The following ENOX1 variants were observed in gnomAD, a reference collection of about 807,000 sequenced individuals.
ENOX1 encodes the protein ecto-NOX disulfide-thiol exchanger 1, also known as candidate growth-related and time keeping constitutive hydroquinone (NADH) oxidase.
A neutral mutation model predicts 82.5 loss-of-function variants in ENOX1; 42 were observed. That is an observed-to-expected ratio of 0.51 (90% CI 0.40 to 0.66). The LOEUF is 0.66. Among genes scored for constraint, ENOX1 ranks in the 30% least tolerant of loss-of-function variants. The pLI is 0.00. For missense variants in ENOX1, 608 were observed against 811.6 expected, an observed-to-expected ratio of 0.75 and a Z score of 3.05; for synonymous variants, 271 against 282.2, an observed-to-expected ratio of 0.96 and a Z score of 0.40.
At chr13:43,718,874 T>C (rs565876958) in intron 1 of ENOX1, among the ~76,000 whole-genome samples, 13 of 152,156 alleles carry the variant, frequency 8.5e-5, no homozygotes, top group Non-Finnish European at 1.5e-4. Flanking sequence ...TACACATTTA[T>C]AGTTTTAAAA....
At chr13:43,524,582 T>TC (rs895727646) in intron 2 of ENOX1, among the ~76,000 whole-genome samples, 3 of 152,074 alleles carry the variant, frequency 2.0e-5, no homozygotes, top group African/African-American at 7.2e-5. Context: ...CTCACTCTGC[T>TC]CCAGCTCCCT....
chr13:43,216,169 T>C (rs1356705146), intron 16 of ENOX1, among the ~76,000 whole-genome samples: 2 of 151,928 alleles, frequency 1.3e-5, no homozygotes, highest in African/African-American at 2.4e-5. Flanking sequence ...CCGCACTCCA[T>C]CCTGGGGGAC....
At chr13:43,697,471 T>G (rs2086698144) in intron 1 of ENOX1, among the ~76,000 whole-genome samples, 1 of 152,180 alleles carries the variant, frequency 6.6e-6, no homozygotes, top group South Asian at 2.1e-4. Flanking sequence ...AACTACAATG[T>G]TCTGAAGGAC....
intron 2 of ENOX1, among the ~76,000 whole-genome samples, chr13:43,576,006 T>C (rs2080405547): frequency 6.6e-6 from 1 of 152,248 alleles, no homozygotes; most frequent in Non-Finnish European, 1.5e-5. Context: ...CTGGCCCTTG[T>C]AGTCTAATGA....
chr13:43,501,536 A>T (rs567272009), intron 2 of ENOX1, among the ~76,000 whole-genome samples: 129 of 151,918 alleles, frequency 8.5e-4, no homozygotes, highest in Non-Finnish European at 1.6e-3. Flanking sequence ...TATTTTAAAA[A>T]GATTAAAATC....
chr13:43,610,214 T>A (rs1257028225), intron 2 of ENOX1, among the ~76,000 whole-genome samples: 1 of 152,216 alleles, frequency 6.6e-6, no homozygotes, highest in Admixed American at 6.5e-5. Context: ...TCTTGGCATT[T>A]ATGTAATATT....
At chr13:43,310,253 A>G (rs1057372565) in intron 11 of ENOX1, among the ~76,000 whole-genome samples, 2 of 150,410 alleles carry the variant, frequency 1.3e-5, no homozygotes, top group Admixed American at 1.3e-4. Flanking sequence ...GTGCCAGTTA[A>G]GCACTATTAA....
chr13:43,295,613 T>C (rs1183355426), intron 12 of ENOX1, among the ~76,000 whole-genome samples: 2 of 152,152 alleles, frequency 1.3e-5, no homozygotes, highest in Non-Finnish European at 1.5e-5. Context: ...ACAGAAATAA[T>C]TTCCCAAACA....
chr13:43,442,116 G>A (rs1377891197), intron 3 of ENOX1, among the ~76,000 whole-genome samples: 1 of 152,094 alleles, frequency 6.6e-6, no homozygotes. Flanking sequence ...GCATAGAGGA[G>A]CCGAGTCGGA....
intron 2 of ENOX1, among the ~76,000 whole-genome samples, chr13:43,647,960 G>A (rs921085048): frequency 2.6e-5 from 4 of 152,164 alleles, no homozygotes; most frequent in African/African-American, 9.7e-5. Context: ...TCACAACCAA[G>A]GAATGTGTGT....
intron 1 of ENOX1, among the ~76,000 whole-genome samples, chr13:43,771,955 T>TTTG (rs1951647154): frequency 6.9e-6 from 1 of 144,834 alleles, no homozygotes; most frequent in Non-Finnish European, 1.5e-5. Flanking sequence ...TTTTTTTTTT[T>TTTG]TTGTATTTTT....
intron 2 of ENOX1, among the ~76,000 whole-genome samples, chr13:43,664,163 T>G (rs945004037): frequency 2.0e-5 from 3 of 151,274 alleles, no homozygotes; most frequent in African/African-American, 7.3e-5. Context: ...TGTTAATTAT[T>G]AACTAAAAAG....
chr13:43,442,731 C>T (rs79858172), intron 3 of ENOX1, among the ~76,000 whole-genome samples: 5,537 of 152,290 alleles, frequency 0.036, 139 homozygotes, highest in South Asian at 0.09. Flanking sequence ...TCAGCGTTCA[C>T]ATCAGCCCTC....
chr13:43,261,885 G>T (rs9533438), intron 14 of ENOX1, among the ~76,000 whole-genome samples: 44,724 of 145,138 alleles, frequency 0.31, 7,214 homozygotes, highest in Middle Eastern at 0.35. Flanking sequence ...ATATACCTAA[G>T]GCTAGATGAC....
intron 1 of ENOX1, among the ~76,000 whole-genome samples, chr13:43,736,243 A>G (rs1332121850): frequency 3.9e-5 from 6 of 152,234 alleles, no homozygotes; most frequent in African/African-American, 1.4e-4. Flanking sequence ...TCAAATTATG[A>G]CAAGAAAATT....
At chr13:43,590,792 A>G (rs2081214118) in intron 2 of ENOX1, among the ~76,000 whole-genome samples, 5 of 146,688 alleles carry the variant, frequency 3.4e-5, no homozygotes, top group African/African-American at 1.3e-4. Context: ...AAAAAAAAAC[A>G]TTGAAAATGC....
intron 3 of ENOX1, among the ~76,000 whole-genome samples, chr13:43,447,023 A>G (rs1403579461): frequency 6.6e-6 from 1 of 152,268 alleles, no homozygotes; most frequent in African/African-American, 2.4e-5. Context: ...CCATGAGAAC[A>G]TAGTGGCCTC....
intron 3 of ENOX1, among the ~76,000 whole-genome samples, chr13:43,425,189 G>A (rs888877857): frequency 6.6e-6 from 1 of 152,058 alleles, no homozygotes; most frequent in Admixed American, 6.6e-5. Flanking sequence ...TGCTTTTGGA[G>A]GTCAGGCATC....
chr13:43,449,673 T>C lies in ENOX1; in HGVS notation c.-75+34336A>G, dbSNP rs187507501. ...TACTTCTAAAATAGATACTTCTTAT[T>C]GTTTTTTTTTTGTTTGTTTGAGTCA... On this transcript the variant is annotated intron_variant, in intron 3 of 16. Coordinates refer to ENST00000690772, the MANE Select transcript of ENOX1 (RefSeq NM_001347969.2). Among the ~76,000 whole-genome samples the C allele has an allele frequency of 2.3e-3, 352 of 151,816 alleles. 1 individual carries two copies. Among genetic ancestry groups the C allele is most frequent in the African/African-American group, 7.9e-3 (326 of 41,248 alleles).
Sources: allele counts gnomAD v4.1 joint callset (sites outside exome capture counted in the v4.1 genomes callset), GRCh38; gene constraint gnomAD v4.1.1; transcripts MANE v1.5; gene names NCBI Gene and HGNC (gene_info 2026-07-23, HGNC 2026-07-21).